The following RUNX3 variants were observed in gnomAD, a reference collection of about 807,000 sequenced individuals.
The protein encoded by RUNX3 is RUNX family transcription factor 3.
Under a neutral mutation model 27.7 loss-of-function variants are expected in RUNX3, and 10 were observed. The ratio of observed to expected loss-of-function variants is 0.36; its 90% CI spans 0.22 to 0.61. RUNX3 has a LOEUF of 0.61. Ranked by LOEUF, RUNX3 falls within the 20% of genes least tolerant of loss-of-function variation. The pLI, the probability that RUNX3 is intolerant of heterozygous loss-of-function variation, is 0.72. For missense variants in RUNX3, 469 were observed against 629.5 expected (o/e 0.75, Z 2.73); for synonymous variants, 270 against 269.2 (o/e 1.00, Z -0.03).
At chr1:24,948,399 G>A (rs988253796) in intron 2 of RUNX3, among the ~76,000 whole-genome samples, 1 of 152,196 alleles carries the variant, frequency 6.6e-6, no homozygotes, top group South Asian at 2.1e-4. Context: ...CACAAGGCGG[G>A]AGGCCTAACA....
rs764553211 is a variant in RUNX3, at chr1:24,899,639, G to A, written c.*2483C>T. The A allele has an allele frequency of 2.7e-4, 41 of 152,842 alleles. No homozygotes were observed. The highest frequency in any genetic ancestry group is 4.6e-4 in the Non-Finnish European group (31 of 68,040). 9.5% of individuals were successfully genotyped at this position (152,842 alleles called of 1,614,324 possible). ...CGTTAAAAACAAACACCAAGCAAAC[G>A]ATAGTGCAAAGCAGTTTCCACCCAG... is the stretch of plus-strand genomic sequence containing the variant. On this transcript the variant is annotated 3_prime_UTR_variant, in exon 5 of 5. Coordinates refer to ENST00000308873, the MANE Select transcript of RUNX3 (RefSeq NM_004350.3).
intron 3 of RUNX3, among the ~76,000 whole-genome samples, chr1:24,913,867 C>T (rs954881947): frequency 2.6e-5 from 4 of 152,202 alleles, no homozygotes; most frequent in Non-Finnish European, 4.4e-5. Flanking sequence ...CATGCAGGCC[C>T]AACACAAGCC....
intron 2 of RUNX3, among the ~76,000 whole-genome samples, chr1:24,921,340 C>T (rs1057327022): frequency 2.0e-5 from 3 of 152,198 alleles, no homozygotes; most frequent in African/African-American, 7.2e-5. Flanking sequence ...AGCCATGCCA[C>T]AGGACCCAAG....
At chr1:24,907,892 G>T (rs1458900300) in intron 3 of RUNX3, among the ~76,000 whole-genome samples, 2 of 150,626 alleles carry the variant, frequency 1.3e-5, no homozygotes, top group Admixed American at 1.3e-4. Context: ...ACAACACGCG[G>T]TGATCTAAAC....
At chr1:24,959,437 C>T (rs539080824) in intron 2 of RUNX3, among the ~76,000 whole-genome samples, 2 of 152,178 alleles carry the variant, frequency 1.3e-5, no homozygotes, top group Non-Finnish European at 1.5e-5. Context: ...ACCTAGCAGA[C>T]GTGGCGCCAG....
chr1:24,951,112 A>G (rs1283020012), intron 2 of RUNX3, among the ~76,000 whole-genome samples: 1 of 151,340 alleles, frequency 6.6e-6, no homozygotes, highest in African/African-American at 2.4e-5. Flanking sequence ...AGGCTGAGGT[A>G]GAAGAATTGC....
At chr1:24,950,743 G>A (rs1641739198) in intron 2 of RUNX3, among the ~76,000 whole-genome samples, 1 of 152,190 alleles carries the variant, frequency 6.6e-6, no homozygotes, top group Non-Finnish European at 1.5e-5. Flanking sequence ...TCAGAAGAGG[G>A]CACCTGACGG....
intron 2 of RUNX3, among the ~76,000 whole-genome samples, chr1:24,920,369 T>A (rs1640975608): frequency 6.6e-6 from 1 of 152,142 alleles, no homozygotes; most frequent in African/African-American, 2.4e-5. Flanking sequence ...CGGGCGCGGA[T>A]CCCTCTTGGA....
upstream of RUNX3, among the ~76,000 whole-genome samples, chr1:24,931,607 A>G (rs1641230745): frequency 2.0e-5 from 3 of 152,324 alleles, no homozygotes; most frequent in South Asian, 2.1e-4. Context: ...GTGCAAAACA[A>G]TGAATTCCAA....
intron 3 of RUNX3, among the ~76,000 whole-genome samples, chr1:24,914,573 C>T (rs530503040): frequency 1.3e-5 from 2 of 152,260 alleles, no homozygotes; most frequent in South Asian, 2.1e-4. Flanking sequence ...GCGGTTCCCT[C>T]CCAGGGCTGC....
At chr1:24,941,213 A>C (rs1465392653) in intron 2 of RUNX3, among the ~76,000 whole-genome samples, 2 of 152,070 alleles carry the variant, frequency 1.3e-5, no homozygotes, top group Non-Finnish European at 2.9e-5. Context: ...GCCCCTGCTG[A>C]GCACGCTCCC....
At chr1:24,936,502 A>G (rs1303404410) in intron 2 of RUNX3, among the ~76,000 whole-genome samples, 3 of 152,186 alleles carry the variant, frequency 2.0e-5, no homozygotes, top group African/African-American at 4.8e-5. Flanking sequence ...GAATTTTACA[A>G]TGTCAGACTC....
intron 2 of RUNX3, among the ~76,000 whole-genome samples, chr1:24,961,119 G>C (rs1489451114): frequency 2.0e-5 from 3 of 151,058 alleles, no homozygotes; most frequent in African/African-American, 7.3e-5. Flanking sequence ...TGAACTGAGG[G>C]GAGTTTCTGA....
chr1:24,908,903 G>A (rs1041687389), intron 3 of RUNX3, among the ~76,000 whole-genome samples: 3 of 152,198 alleles, frequency 2.0e-5, no homozygotes, highest in South Asian at 2.1e-4. Context: ...TGGGCCTCAG[G>A]CAGAAAAATA....
intron 2 of RUNX3, among the ~76,000 whole-genome samples, chr1:24,920,879 A>C (rs764572142): frequency 5.9e-5 from 9 of 152,152 alleles, no homozygotes; most frequent in Non-Finnish European, 1.0e-4. Context: ...TCTGGGTAAG[A>C]GTCCTCCTCT....
chr1:24,918,028 G>A (rs530115807), intron 3 of RUNX3, among the ~76,000 whole-genome samples: 43 of 152,356 alleles, frequency 2.8e-4, no homozygotes, highest in Admixed American at 2.5e-3. Flanking sequence ...GGAGCTGACG[G>A]TGCAGGCCTG....
chr1:24,954,333 T>G (rs976877714), intron 2 of RUNX3, among the ~76,000 whole-genome samples: 18 of 152,334 alleles, frequency 1.2e-4, no homozygotes, highest in Admixed American at 2.0e-4. Flanking sequence ...CTAATGTTCT[T>G]ACTGGTTCTA....
chr1:24,908,121 TCCAAAC>T (rs1640712813), intron 3 of RUNX3, among the ~76,000 whole-genome samples: 2 of 137,512 alleles, frequency 1.5e-5, no homozygotes, highest in African/African-American at 2.9e-5. Context: ...CACGCGGTGA[TCCAAAC>T]CTCTATGACA....
Position 24,901,838 on chromosome 1 carries a change from G to T in RUNX3, c.*284C>A, listed in dbSNP as rs1472554120. The T allele has an allele frequency of 4.5e-6, 2 of 447,782 alleles. No homozygotes were observed. Among genetic ancestry groups the T allele is most frequent in the African/African-American group, 2.0e-5 (1 of 50,834 alleles). The allele number at this position is 447,782 out of a possible 1,614,324, so 27.7% of individuals were successfully genotyped here. Reference sequence around the variant, plus strand: ...TGGAGACAGTGAGGTCCTTCCGGGGGGGTGGCAGGAGGCTGATTCCCCACA... The same window carrying T: ...TGGAGACAGTGAGGTCCTTCCGGGGTGGTGGCAGGAGGCTGATTCCCCACA... On this transcript the variant is annotated 3_prime_UTR_variant, in exon 5 of 5. Coordinates refer to ENST00000308873, the MANE Select transcript of RUNX3 (RefSeq NM_004350.3).
Sources: allele counts gnomAD v4.1 joint callset (sites outside exome capture counted in the v4.1 genomes callset), GRCh38; gene constraint gnomAD v4.1.1; transcripts MANE v1.5; gene names NCBI Gene and HGNC (gene_info 2026-07-23, HGNC 2026-07-21).